Variants in ASAP2 observed in about 807,000 individuals in gnomAD.
ASAP2 encodes arf-GAP with SH3 domain, ANK repeat and PH domain-containing protein 2.
A neutral mutation model predicts 131.4 loss-of-function variants in ASAP2; 45 were observed. The ratio of observed to expected loss-of-function variants is 0.34; its 90% CI spans 0.27 to 0.44. ASAP2 has a LOEUF of 0.44. Ranked by LOEUF, ASAP2 falls within the 20% of genes least tolerant of loss-of-function variation. The pLI is 1.00. For missense variants in ASAP2, 1,011 were observed against 1,297.0 expected, an observed-to-expected ratio of 0.78 and a Z score of 3.39; for synonymous variants, 510 against 503.0, an observed-to-expected ratio of 1.01 and a Z score of -0.19.
intron 1 of ASAP2, among the ~76,000 whole-genome samples, chr2:9,275,162 C>T (rs1469998772): frequency 6.6e-6 from 1 of 151,186 alleles, no homozygotes; most frequent in East Asian, 1.9e-4. Context: ...TTCGCTGCAG[C>T]CTCCAACTTC....
chr2:9,324,914 G>A lies in ASAP2; in HGVS notation c.600+1664G>A, dbSNP rs533240729. Among the ~76,000 whole-genome samples the A allele has an allele frequency of 4.6e-5, 7 of 152,226 alleles. No homozygotes were observed. The South Asian group carries it at 1.0e-3, about 23-fold the overall frequency. On this transcript the variant is annotated intron_variant, in intron 6 of 27. Coordinates refer to ENST00000281419, the MANE Select transcript of ASAP2 (RefSeq NM_003887.3). ...TTGGATTGTTTAATCCATTAACGTT[G>A]AATGTTACTATTGATATGATTGGAT...
intron 11 of ASAP2, among the ~76,000 whole-genome samples, chr2:9,349,797 C>T (rs1420376510): frequency 6.6e-6 from 1 of 152,198 alleles, no homozygotes; most frequent in Non-Finnish European, 1.5e-5. Flanking sequence ...TGGAAGGAAG[C>T]TGCTGGGCCT....
chr2:9,269,513 G>A (rs1161826305), intron 1 of ASAP2, among the ~76,000 whole-genome samples: 1 of 152,196 alleles, frequency 6.6e-6, no homozygotes, highest in Non-Finnish European at 1.5e-5. Flanking sequence ...ACCAAGAAGA[G>A]GTAGAGGAGC....
chr2:9,333,977 C>T (rs1420583465), intron 7 of ASAP2, among the ~76,000 whole-genome samples: 1 of 151,638 alleles, frequency 6.6e-6, no homozygotes, highest in African/African-American at 2.4e-5. Context: ...GTGTGGCCAC[C>T]AAAGCTGCTT....
At chr2:9,272,026 G>A (rs969870418) in intron 1 of ASAP2, among the ~76,000 whole-genome samples, 3 of 152,142 alleles carry the variant, frequency 2.0e-5, no homozygotes, top group Non-Finnish European at 4.4e-5. Context: ...ACACGGGAGA[G>A]CAGGTACCTC....
At chr2:9,349,740 G>A (rs1028902738) in intron 11 of ASAP2, among the ~76,000 whole-genome samples, 13 of 152,066 alleles carry the variant, frequency 8.5e-5, no homozygotes, top group Middle Eastern at 6.4e-3. Context: ...AATCCTTCAC[G>A]CTGCAAGGAT....
At chr2:9,272,621 G>T (rs1455277935) in intron 1 of ASAP2, among the ~76,000 whole-genome samples, 1 of 152,138 alleles carries the variant, frequency 6.6e-6, no homozygotes, top group East Asian at 1.9e-4. Context: ...CATTACTCAA[G>T]AATTCTTTGC....
intron 1 of ASAP2, among the ~76,000 whole-genome samples, chr2:9,208,017 A>G (rs1858268): frequency 0.04 from 6,094 of 152,268 alleles, 407 homozygotes; most frequent in African/African-American, 0.14. Flanking sequence ...GGAACGAAGA[A>G]GCTTGGTTGA....
chr2:9,355,433 A>C lies in ASAP2; in HGVS notation c.1112-614A>C, dbSNP rs377621642. Among the ~76,000 whole-genome samples, 743 of 152,294 alleles carry C rather than the reference A, an allele frequency of 4.9e-3. 5 individuals carry two copies. Among genetic ancestry groups the C allele is most frequent in the African/African-American group, 0.017 (721 of 41,566 alleles). ...TTTTTGGCAAGAGCAGCACAGAATG[A>C]TGCTGCCACATCCCACACAGCCGCC... On this transcript the variant is annotated intron_variant, in intron 12 of 27. Transcript: ENST00000281419.
chr2:9,348,623 C>T (rs1016272821), intron 11 of ASAP2, among the ~76,000 whole-genome samples: 2 of 151,996 alleles, frequency 1.3e-5, no homozygotes, highest in African/African-American at 2.4e-5. Context: ...TTTTGTGGAC[C>T]CATTCTTATG....
chr2:9,334,971 G>A, intron 8 of ASAP2, 122 bp from the exon 9 acceptor site: 2 of 1,354,854 alleles, frequency 1.5e-6, no homozygotes, highest in Non-Finnish European at 2.1e-6. Context: ...GGGAGGGAAG[G>A]TTTGACCAGC....
At chr2:9,383,532 T>C (rs1256181015) in intron 20 of ASAP2, among the ~76,000 whole-genome samples, 3 of 152,164 alleles carry the variant, frequency 2.0e-5, no homozygotes, top group Non-Finnish European at 4.4e-5. Context: ...ATGCTGGGAT[T>C]ACAGGTGTGA....
intron 2 of ASAP2, among the ~76,000 whole-genome samples, chr2:9,296,089 T>C (rs1246653738): frequency 1.3e-5 from 2 of 152,152 alleles, no homozygotes; most frequent in African/African-American, 4.8e-5. Flanking sequence ...GCTGCAGCAC[T>C]AAGGCTGTCT....
intron 1 of ASAP2, among the ~76,000 whole-genome samples, chr2:9,225,449 G>A (rs955918186): frequency 4.6e-5 from 7 of 152,146 alleles, no homozygotes; most frequent in South Asian, 2.1e-4. Context: ...TCTTCCCCAG[G>A]AAATGTATAC....
rs1553297027 is a variant in ASAP2 at position 9,254,254 on chromosome 2, T to TATATATACACACAC, written c.127-25062_127-25061insTATATACACACACA. Among the ~76,000 whole-genome samples, 157 of 65,684 alleles carry TATATATACACACAC rather than the reference T, an allele frequency of 2.4e-3. 4 individuals carry two copies. The highest frequency in any genetic ancestry group is 3.9e-3 in the Non-Finnish European group (139 of 35,280). The allele number at this position is 65,684 out of a possible 152,430, so 43.1% of individuals were successfully genotyped here. A position where few individuals can be genotyped will look rare whatever the true frequency, so the allele number is the denominator to read the frequency against. On this transcript the variant is annotated intron_variant, in intron 1 of 27. Transcript: ENST00000281419. The stretch of plus-strand genomic sequence containing the variant: ...AAAAAAAAATATATATATATATATA[T>TATATATACACACAC]ACACGTGTGTGTGTATGCATATATA...
intron 6 of ASAP2, 51 bp from the exon 7 acceptor site, chr2:9,327,775 A>G: frequency 7.1e-7 from 1 of 1,399,198 alleles, no homozygotes; most frequent in Non-Finnish European, 9.8e-7. Flanking sequence ...AGCTCCTTTT[A>G]AACTCGTATT....
chr2:9,355,603 A>G (rs1205142055), intron 12 of ASAP2, among the ~76,000 whole-genome samples: 2 of 152,216 alleles, frequency 1.3e-5, no homozygotes, highest in Non-Finnish European at 2.9e-5. Flanking sequence ...CTAGTATTTG[A>G]TTCTCAAAGC....
chr2:9,272,699 G>C (rs1044060737), intron 1 of ASAP2, among the ~76,000 whole-genome samples: 2 of 152,176 alleles, frequency 1.3e-5, no homozygotes, highest in Non-Finnish European at 2.9e-5. Context: ...ATAGATTTAA[G>C]TCTTTAATCC....
At chr2:9,355,696 T>G (rs1409364548) in intron 12 of ASAP2, among the ~76,000 whole-genome samples, 2 of 152,262 alleles carry the variant, frequency 1.3e-5, no homozygotes, top group Non-Finnish European at 2.9e-5. Flanking sequence ...AAAAAGGTTT[T>G]TATTATTCAA....
Sources: allele counts gnomAD v4.1 joint callset (sites outside exome capture counted in the v4.1 genomes callset), GRCh38; gene constraint gnomAD v4.1.1; transcripts MANE v1.5; gene names NCBI Gene and HGNC (gene_info 2026-07-23, HGNC 2026-07-21).